DLG2: variants seen among roughly 807,000 people sequenced by gnomAD.
DLG2 encodes discs large MAGUK scaffold protein 2.
A neutral mutation model predicts 132.5 loss-of-function variants in DLG2; 45 were observed. The ratio of observed to expected loss-of-function variants is 0.34; its 90% CI spans 0.27 to 0.44. The LOEUF is 0.44. Among genes scored for constraint, DLG2 ranks in the 20% least tolerant of loss-of-function variants. The pLI, the probability that DLG2 is intolerant of heterozygous loss-of-function variation, is 1.00. For missense variants in DLG2, 1,045 were observed against 1,196.9 expected (o/e 0.87, Z 1.87); for synonymous variants, 424 against 419.6 (o/e 1.01, Z -0.13).
intron 6 of DLG2, among the ~76,000 whole-genome samples, chr11:85,091,284 T>C (rs1208785755): frequency 6.6e-6 from 1 of 152,170 alleles, no homozygotes; most frequent in African/African-American, 2.4e-5. Flanking sequence ...AGGTATACAT[T>C]TGAATTAAAA....
chr11:83,464,036 A>G (rs1465041067), intron 26 of DLG2, among the ~76,000 whole-genome samples: 2 of 152,244 alleles, frequency 1.3e-5, no homozygotes, highest in South Asian at 2.1e-4. Context: ...ATAGATGAGT[A>G]AATGAATGAA....
intron 6 of DLG2, among the ~76,000 whole-genome samples, chr11:84,826,658 A>G (rs187298604): frequency 3.3e-5 from 5 of 151,886 alleles, no homozygotes; most frequent in Non-Finnish European, 7.4e-5. Flanking sequence ...GTCTAGAGAC[A>G]GTGCTCTATT....
intron 6 of DLG2, among the ~76,000 whole-genome samples, chr11:84,791,550 C>T (rs61897876): frequency 2.6e-5 from 4 of 152,032 alleles, no homozygotes; most frequent in Non-Finnish European, 5.9e-5. Flanking sequence ...ATTTTAACAA[C>T]ATTGATTCTT....
chr11:83,514,392 T>G (rs1360936356), intron 21 of DLG2, among the ~76,000 whole-genome samples: 2 of 152,182 alleles, frequency 1.3e-5, no homozygotes, highest in African/African-American at 4.8e-5. Flanking sequence ...ATCCTGAGAC[T>G]TTGCTGAAGT....
intron 3 of DLG2, among the ~76,000 whole-genome samples, chr11:85,368,375 C>T (rs286050): frequency 0.6 from 91,904 of 151,996 alleles, 28,216 homozygotes; most frequent in Middle Eastern, 0.71. Flanking sequence ...CAACTTTATT[C>T]TTCCAGTTGT....
chr11:85,187,938 C>T (rs964008551), intron 4 of DLG2, among the ~76,000 whole-genome samples: 44 of 152,208 alleles, frequency 2.9e-4, no homozygotes, highest in African/African-American at 9.6e-4. Flanking sequence ...GGAAGATCCA[C>T]GAAATGAGAC....
intron 5 of DLG2, among the ~76,000 whole-genome samples, chr11:85,134,394 T>C (rs796219745): frequency 0.011 from 1,570 of 149,294 alleles, 23 homozygotes; most frequent in African/African-American, 0.037. Flanking sequence ...CCGGGCGTAG[T>C]GGCGGGCGCC....
At chr11:83,516,772 C>T (rs1298696050) in intron 21 of DLG2, among the ~76,000 whole-genome samples, 2 of 152,110 alleles carry the variant, frequency 1.3e-5, no homozygotes, top group Admixed American at 1.3e-4. Context: ...TTTATTTCTC[C>T]TTCACTTATG....
chr11:84,362,454 T>C (rs1253626751), intron 7 of DLG2, among the ~76,000 whole-genome samples: 1 of 152,010 alleles, frequency 6.6e-6, no homozygotes, highest in Non-Finnish European at 1.5e-5. Flanking sequence ...TATGGGGAAT[T>C]TATCTACCTC....
chr11:84,583,941 A>G (rs1442116920), intron 6 of DLG2, among the ~76,000 whole-genome samples: 6 of 152,066 alleles, frequency 3.9e-5, no homozygotes, highest in Non-Finnish European at 2.9e-5. Context: ...CATAAATTAT[A>G]TTTTTATTCT....
intron 18 of DLG2, among the ~76,000 whole-genome samples, chr11:83,676,995 T>C (rs1206115870): frequency 6.6e-6 from 1 of 152,186 alleles, no homozygotes; most frequent in Non-Finnish European, 1.5e-5. Context: ...ATCTGGATTA[T>C]TCTGACTAGA....
At chr11:84,726,210 C>G (rs2062432713) in intron 6 of DLG2, among the ~76,000 whole-genome samples, 1 of 152,122 alleles carries the variant, frequency 6.6e-6, no homozygotes, top group African/African-American at 2.4e-5. Flanking sequence ...TGGTTTGCTG[C>G]AACCATCATC....
chr11:84,016,981 G>A (rs1466648068), intron 11 of DLG2, among the ~76,000 whole-genome samples: 8 of 151,980 alleles, frequency 5.3e-5, no homozygotes, highest in Non-Finnish European at 8.8e-5. Context: ...TTTTTCTGTT[G>A]AATTCTGAAG....
At chr11:84,760,758 A>G (rs2067510065) in intron 6 of DLG2, among the ~76,000 whole-genome samples, 1 of 152,212 alleles carries the variant, frequency 6.6e-6, no homozygotes, top group African/African-American at 2.4e-5. Flanking sequence ...AATACTGATT[A>G]GAAGAGGGCA....
chr11:84,795,341 C>T (rs773777692), intron 6 of DLG2, among the ~76,000 whole-genome samples: 19 of 152,048 alleles, frequency 1.2e-4, no homozygotes, highest in Middle Eastern at 3.4e-3. Flanking sequence ...AACCTACCTG[C>T]GGACAGGAGC....
At chr11:84,327,388 T>A (rs896436694) in intron 7 of DLG2, among the ~76,000 whole-genome samples, 64 of 152,294 alleles carry the variant, frequency 4.2e-4, no homozygotes, top group African/African-American at 1.5e-3. Flanking sequence ...CAGCTGAGAA[T>A]CTTATTTTTA....
intron 18 of DLG2, among the ~76,000 whole-genome samples, chr11:83,776,036 G>C (rs191861158): frequency 0.031 from 4,684 of 152,182 alleles, 233 homozygotes; most frequent in African/African-American, 0.11. Context: ...AGCTTGCAGT[G>C]AGCAGAGATT....
chr11:84,857,918 T>A (rs534503849), intron 6 of DLG2, among the ~76,000 whole-genome samples: 14 of 151,734 alleles, frequency 9.2e-5, no homozygotes, highest in Non-Finnish European at 1.8e-4. Flanking sequence ...TGAGACAAGG[T>A]CTCACTGTGT....
At chr11:85,229,844 A>G (rs1361415237) in intron 4 of DLG2, among the ~76,000 whole-genome samples, 2 of 152,116 alleles carry the variant, frequency 1.3e-5, no homozygotes, top group Non-Finnish European at 2.9e-5. Context: ...TTGCAGGGAC[A>G]TGGATGAAGC....
Sources: gnomAD v4.1 joint callset for allele counts (sites outside exome capture counted in the v4.1 genomes callset) on GRCh38, gnomAD v4.1.1 for gene constraint, MANE v1.5 for transcripts, NCBI Gene and HGNC (gene_info 2026-07-23, HGNC 2026-07-21) for gene names.